Variants in NPAS2 observed in about 807,000 individuals in gnomAD.
The protein encoded by NPAS2 is neuronal PAS domain-containing protein 2.
NPAS2 carries 23 observed loss-of-function variants against 107.5 expected under a neutral mutation model. That is an observed-to-expected ratio of 0.21 (90% CI 0.15 to 0.30). The LOEUF (loss-of-function observed/expected upper bound fraction) is 0.30, where lower values mean the gene tolerates loss of function less well. Ranked by LOEUF, NPAS2 falls within the 10% of genes least tolerant of loss-of-function variation. The pLI is 1.00. For missense variants in NPAS2, 756 were observed against 1,043.3 expected, an observed-to-expected ratio of 0.72 and a Z score of 3.79; for synonymous variants, 403 against 417.5, an observed-to-expected ratio of 0.97 and a Z score of 0.42.
intron 1 of NPAS2, among the ~76,000 whole-genome samples, chr2:100,904,227 C>T (rs983221271): frequency 6.6e-5 from 10 of 152,090 alleles, no homozygotes; most frequent in African/African-American, 2.2e-4. Context: ...GCTGTGGTGT[C>T]GCTAACGGAT....
chr2:100,922,679 G>A (rs958782656), intron 2 of NPAS2, among the ~76,000 whole-genome samples: 6 of 152,144 alleles, frequency 3.9e-5, no homozygotes, highest in Admixed American at 6.5e-5. Context: ...GGGGCCTGCC[G>A]AGAGGACCTT....
chr2:100,875,653 G>A (rs1679917430), intron 1 of NPAS2, among the ~76,000 whole-genome samples: 4 of 152,196 alleles, frequency 2.6e-5, no homozygotes, highest in Admixed American at 2.6e-4. Flanking sequence ...CCTCCCCTTA[G>A]CTTTGTAGAC....
At chr2:100,915,350 G>A (rs1490269487) in intron 2 of NPAS2, among the ~76,000 whole-genome samples, 1 of 152,196 alleles carries the variant, frequency 6.6e-6, no homozygotes, top group Admixed American at 6.5e-5. Context: ...AATAGAGCCA[G>A]CTTTCTGGCC....
At chr2:100,900,838 T>C (rs1413407913) in intron 1 of NPAS2, among the ~76,000 whole-genome samples, 1 of 151,966 alleles carries the variant, frequency 6.6e-6, no homozygotes, top group Non-Finnish European at 1.5e-5. Flanking sequence ...CCGATGGTGA[T>C]TTTCTTTTCT....
At chr2:100,919,417 C>G (rs1221604675) in intron 2 of NPAS2, among the ~76,000 whole-genome samples, 1 of 152,226 alleles carries the variant, frequency 6.6e-6, no homozygotes, top group African/African-American at 2.4e-5. Context: ...AAAGCACCCA[C>G]CGTCAGCGTC....
chr2:100,857,307 A>G (rs1200476243), intron 1 of NPAS2, among the ~76,000 whole-genome samples: 1 of 152,036 alleles, frequency 6.6e-6, no homozygotes, highest in Non-Finnish European at 1.5e-5. Flanking sequence ...TCAAAAAAAA[A>G]AAAAAAAAAA....
At position 100,894,024 on chromosome 2, in the gene NPAS2, C is replaced by T. The variant is rs1681250961; in HGVS notation, c.-22-10709C>T. Among the ~76,000 whole-genome samples the T allele has an allele frequency of 3.9e-5, 6 of 152,262 alleles. No homozygotes were observed. In the South Asian group the frequency reaches 1.2e-3, roughly 31 times the overall value. Reference sequence around the variant, plus strand: ...GTCACTTGTATGACTCATTAGTCTTCTGTCTCACTGCTGACGCACTTGGGA... The same window carrying T: ...GTCACTTGTATGACTCATTAGTCTTTTGTCTCACTGCTGACGCACTTGGGA... On this transcript the variant is annotated intron_variant, in intron 1 of 20. Transcript: ENST00000335681.
intron 15 of NPAS2, among the ~76,000 whole-genome samples, chr2:100,979,515 T>A (rs1573784813): frequency 3.7e-5 from 5 of 134,508 alleles, no homozygotes; most frequent in African/African-American, 1.4e-4. Context: ...TTTTTTTTTT[T>A]TTTTTTTTTT....
At chr2:100,888,827 C>T (rs1268316142) in intron 1 of NPAS2, among the ~76,000 whole-genome samples, 1 of 152,200 alleles carries the variant, frequency 6.6e-6, no homozygotes, top group African/African-American at 2.4e-5. Flanking sequence ...ATGTCTTGGA[C>T]TCTCCTTGAC....
At chr2:100,950,580 G>T (rs1675162609) in intron 7 of NPAS2, among the ~76,000 whole-genome samples, 2 of 152,168 alleles carry the variant, frequency 1.3e-5, no homozygotes, top group Non-Finnish European at 2.9e-5. Flanking sequence ...ATGGTCCTTT[G>T]TTGTATGTTA....
chr2:100,952,574 A>C (rs948534077), intron 7 of NPAS2, among the ~76,000 whole-genome samples: 14 of 151,792 alleles, frequency 9.2e-5, no homozygotes, highest in Non-Finnish European at 1.8e-4. Context: ...CAAAAAAAAA[A>C]CAAAAAAACA....
intron 1 of NPAS2, among the ~76,000 whole-genome samples, chr2:100,890,612 T>G (rs1680989898): frequency 6.6e-6 from 1 of 152,028 alleles, no homozygotes; most frequent in Non-Finnish European, 1.5e-5. Context: ...CCAGGGCCTT[T>G]GAACAAACCA....
At position 100,996,193 on chromosome 2, in the gene NPAS2, G is replaced by A. The variant is rs537034042; in HGVS notation, c.*611G>A. Reference sequence around the variant, plus strand: ...CAACAGCAGCCCACCAATCAGAGAAGCTGGTTGTTATTAACCAAGCTACAG... The same window carrying A: ...CAACAGCAGCCCACCAATCAGAGAAACTGGTTGTTATTAACCAAGCTACAG... On this transcript the variant is annotated 3_prime_UTR_variant, in exon 21 of 21. Coordinates refer to ENST00000335681, the MANE Select transcript of NPAS2 (RefSeq NM_002518.4). 2.3e-5 allele frequency: 5 copies of A among 218,504 alleles called. No homozygotes were observed. The highest frequency in any genetic ancestry group is 1.2e-4 in the African/African-American group (5 of 43,276). The allele number at this position is 218,504 out of a possible 1,614,324, so 13.5% of individuals were successfully genotyped here.
intron 2 of NPAS2, among the ~76,000 whole-genome samples, chr2:100,907,539 C>T (rs1235058137): frequency 2.6e-5 from 4 of 151,136 alleles, no homozygotes; most frequent in African/African-American, 9.7e-5. Flanking sequence ...AGATCGTATT[C>T]TTTTCAAAGT....
chr2:100,878,509 A>T, intron 1 of NPAS2: 1 of 985,414 alleles, frequency 1.0e-6, no homozygotes, highest in African/African-American at 1.7e-5. Flanking sequence ...GCATGGAGAG[A>T]TTTGGCTACT....
intron 1 of NPAS2, among the ~76,000 whole-genome samples, chr2:100,842,081 G>GCGCGCGCGCGCACACACA: frequency 1.1e-4 from 17 of 148,902 alleles, no homozygotes; most frequent in East Asian, 3.9e-4. Context: ...GCATGTACGC[G>GCGCGCGCGCGCACACACA]CACACACACA....
chr2:100,829,613 C>G (rs1004707340), intron 1 of NPAS2, among the ~76,000 whole-genome samples: 2 of 152,122 alleles, frequency 1.3e-5, no homozygotes, highest in African/African-American at 4.8e-5. Context: ...GAGAGAGAGT[C>G]TGACTTCTTC....
intron 2 of NPAS2, among the ~76,000 whole-genome samples, chr2:100,916,162 C>A (rs2104838941): frequency 1.3e-5 from 2 of 151,940 alleles, no homozygotes; most frequent in East Asian, 3.9e-4. Context: ...CAAAAGAAAG[C>A]AGGAAAGGGG....
Position 100,937,740 on chromosome 2 carries a change from G to A in NPAS2, c.274-13G>A, listed in dbSNP as rs1319888653. On this transcript the variant is annotated splice_polypyrimidine_tract_variant and intron_variant, in intron 4 of 20. Transcript: ENST00000335681. ...CATTGCTAAGGAGCTTTCAAATGTT[G>A]CATTTTCCACAGGCATTAGATGGCT... The A allele has an allele frequency of 6.2e-7, 1 of 1,607,620 alleles. No individual in the cohort carries two copies. Among genetic ancestry groups the A allele is most frequent in the Middle Eastern group, 1.7e-4 (1 of 6,058 alleles).
Sources: allele counts gnomAD v4.1 joint callset (sites outside exome capture counted in the v4.1 genomes callset), GRCh38; gene constraint gnomAD v4.1.1; transcripts MANE v1.5; gene names NCBI Gene and HGNC (gene_info 2026-07-23, HGNC 2026-07-21).